The following LRP1B variants were observed in gnomAD, a reference collection of about 807,000 sequenced individuals.
The protein encoded by LRP1B is low-density lipoprotein receptor-related protein 1B.
A neutral mutation model predicts 556.6 loss-of-function variants in LRP1B; 217 were observed. That is an observed-to-expected ratio of 0.39 (90% confidence interval 0.35 to 0.44). LRP1B has a LOEUF of 0.44. Ranked by LOEUF, LRP1B falls within the 20% of genes least tolerant of loss-of-function variation. The probability of loss-of-function intolerance (pLI) is 1.00; values close to 1 mark genes in which losing one functional copy is unlikely to be tolerated. For synonymous variants in LRP1B, 2,047 were observed against 1,865.8 expected (o/e 1.10, Z -2.50); for missense variants, 5,053 against 5,620.8 (o/e 0.90, Z 3.23).
intron 7 of LRP1B, among the ~76,000 whole-genome samples, chr2:141,135,121 G>C (rs1005285378): frequency 2.6e-5 from 4 of 151,692 alleles, no homozygotes; most frequent in African/African-American, 9.7e-5. Flanking sequence ...GTGTGAGAGA[G>C]ATTTCTAAGA....
chr2:140,543,145 T>C (rs1384009002), intron 43 of LRP1B, among the ~76,000 whole-genome samples: 1 of 152,092 alleles, frequency 6.6e-6, no homozygotes, highest in African/African-American at 2.4e-5. Context: ...CAAACTAGCT[T>C]AACTGTCAAT....
At chr2:140,958,203 T>A (rs1263987509) in intron 18 of LRP1B, among the ~76,000 whole-genome samples, 1 of 151,488 alleles carries the variant, frequency 6.6e-6, no homozygotes, top group Non-Finnish European at 1.5e-5. Flanking sequence ...AACAACAGGA[T>A]TAGATCCAGA....
chr2:141,546,746 T>A (rs1487600212), intron 2 of LRP1B, among the ~76,000 whole-genome samples: 1 of 152,182 alleles, frequency 6.6e-6, no homozygotes, highest in Non-Finnish European at 1.5e-5. Context: ...TCTTTTAATC[T>A]TTATCCTCCT....
At chr2:141,449,405 T>C (rs1306731840) in intron 3 of LRP1B, among the ~76,000 whole-genome samples, 1 of 152,228 alleles carries the variant, frequency 6.6e-6, no homozygotes, top group Non-Finnish European at 1.5e-5. Context: ...TTCTTTGGAA[T>C]TGATGTTTGA....
chr2:141,840,852 A>G (rs79339521), intron 1 of LRP1B, among the ~76,000 whole-genome samples: 1 of 151,898 alleles, frequency 6.6e-6, no homozygotes, highest in South Asian at 2.1e-4. Flanking sequence ...CCAAATATGG[A>G]CTTCCTTTAC....
intron 7 of LRP1B, among the ~76,000 whole-genome samples, chr2:141,133,289 TC>T (rs1369147500): frequency 1.3e-4 from 8 of 59,798 alleles, no homozygotes; most frequent in South Asian, 1.0e-3. Flanking sequence ...CTGTAACGTC[TC>T]TTTTTTTTTT....
At chr2:141,124,519 A>T (rs1193510305) in intron 7 of LRP1B, among the ~76,000 whole-genome samples, 3 of 151,932 alleles carry the variant, frequency 2.0e-5, no homozygotes, top group Non-Finnish European at 2.9e-5. Flanking sequence ...CTCCTTTTTC[A>T]TTGTGCTAAG....
intron 31 of LRP1B, among the ~76,000 whole-genome samples, chr2:140,817,445 C>T (rs1431131500): frequency 6.6e-6 from 1 of 151,476 alleles, no homozygotes; most frequent in Non-Finnish European, 1.5e-5. Context: ...TCTAACATTC[C>T]TTATTATCAG....
At chr2:141,633,675 G>GA (rs1390396367) in intron 2 of LRP1B, among the ~76,000 whole-genome samples, 2 of 151,674 alleles carry the variant, frequency 1.3e-5, no homozygotes, top group African/African-American at 4.8e-5. Context: ...AAGTACATTC[G>GA]CAGTGTTGTG....
intron 1 of LRP1B, among the ~76,000 whole-genome samples, chr2:141,882,070 T>G (rs969894155): frequency 1.3e-5 from 2 of 152,178 alleles, no homozygotes. Flanking sequence ...AGAGATGTTT[T>G]TAATTCCTAA....
chr2:141,015,891 C>T lies in LRP1B; in HGVS notation c.1995G>A (p.Glu665=), dbSNP rs2105389734. ...VNGWMYWTDW[E]EDEIDDSVGR... ...CCACGCTGTCATCTATTTCATCTTC[C>T]TCCCAGTCTGTCCAATACATCCAAC... Residue 665 remains glutamate (E), a synonymous_variant, in exon 13 of 91, where the codon GAG becomes GAA. Transcript: ENST00000389484. 1 of 1,613,374 alleles carries T rather than the reference C, an allele frequency of 6.2e-7. No individual in the cohort carries two copies. The highest frequency in any genetic ancestry group is 8.5e-7 in the Non-Finnish European group (1 of 1,179,612).
chr2:140,248,764 G>A (rs1232809954), intron 86 of LRP1B, among the ~76,000 whole-genome samples: 1 of 151,072 alleles, frequency 6.6e-6, no homozygotes, highest in African/African-American at 2.4e-5. Flanking sequence ...CAGTCCACGG[G>A]TAGTTCAAAA....
intron 1 of LRP1B, among the ~76,000 whole-genome samples, chr2:141,815,931 G>A (rs565761394): frequency 6.6e-6 from 1 of 152,280 alleles, no homozygotes; most frequent in East Asian, 1.9e-4. Context: ...AACAGTAAAG[G>A]GTGGTAAAGG....
chr2:141,849,983 A>G (rs1039739033), intron 1 of LRP1B, among the ~76,000 whole-genome samples: 7 of 151,830 alleles, frequency 4.6e-5, no homozygotes, highest in African/African-American at 1.4e-4. Context: ...CCATTTGTTA[A>G]GATCATCTCC....
chr2:141,331,522 C>CTCTTTCTTTCTTTCTT (rs71213744), intron 3 of LRP1B, among the ~76,000 whole-genome samples: 6,088 of 140,700 alleles, frequency 0.043, 190 homozygotes, highest in South Asian at 0.11. Flanking sequence ...TTCTTTCTTT[C>CTCTTTCTTTCTTTCTT]TCTTTCTTTC....
intron 82 of LRP1B, among the ~76,000 whole-genome samples, chr2:140,316,358 G>A (rs1684518817): frequency 6.6e-6 from 1 of 152,114 alleles, no homozygotes; most frequent in African/African-American, 2.4e-5. Flanking sequence ...GATTTCAAGA[G>A]CATCTTTAAG....
chr2:140,568,165 T>A (rs1574088223), intron 43 of LRP1B, among the ~76,000 whole-genome samples: 2 of 135,236 alleles, frequency 1.5e-5, no homozygotes. Context: ...GAAGAGAAAT[T>A]CAAAATAATA....
At chr2:141,813,827 T>A (rs1226337410) in intron 1 of LRP1B, among the ~76,000 whole-genome samples, 1 of 152,124 alleles carries the variant, frequency 6.6e-6, no homozygotes, top group Non-Finnish European at 1.5e-5. Flanking sequence ...TGGAGAGGGC[T>A]AAGGCAGAGA....
At chr2:141,405,806 T>G (rs1690612247) in intron 3 of LRP1B, among the ~76,000 whole-genome samples, 2 of 152,080 alleles carry the variant, frequency 1.3e-5, no homozygotes, top group Non-Finnish European at 2.9e-5. Context: ...ATAAAACCAG[T>G]TTTTAATTTC....
Sources: allele counts gnomAD v4.1 joint callset (sites outside exome capture counted in the v4.1 genomes callset), GRCh38; gene constraint gnomAD v4.1.1; transcripts MANE v1.5; gene names NCBI Gene and HGNC (gene_info 2026-07-23, HGNC 2026-07-21).